EYS: variants seen among roughly 807,000 people sequenced by gnomAD.
The protein encoded by EYS is protein eyes shut homolog.
In EYS, 250 loss-of-function variants were observed where a neutral mutation model predicts 282.1. The ratio of observed to expected loss-of-function variants is 0.89; its 90% confidence interval spans 0.80 to 0.98. The LOEUF is 0.98. EYS is among the 50% of genes least tolerant of loss of function. The pLI is 0.00. For synonymous variants in EYS, 1,355 were observed against 1,282.9 expected (o/e 1.06, Z -1.20); for missense variants, 4,016 against 3,709.0 (o/e 1.08, Z -2.15).
At chr6:65,570,796 T>C (rs1001186218) in intron 2 of EYS, among the ~76,000 whole-genome samples, 1 of 152,186 alleles carries the variant, frequency 6.6e-6, no homozygotes, top group Admixed American at 6.5e-5. Flanking sequence ...GGACTGCTTC[T>C]GGAAACTTCA....
At position 64,309,914 on chromosome 6, in the gene EYS, G is replaced by A. The variant is rs567720860; in HGVS notation, c.6079-2832C>T. Among the ~76,000 whole-genome samples the A allele has an allele frequency of 5.3e-5, 8 of 150,072 alleles. No homozygotes were observed. In the East Asian group the frequency reaches 7.8e-4, roughly 15 times the overall value. ...TTGGAGGAGGAGGTTGCAGTGAACC[G>A]AGATCGTACCACTGCCCTCCAGCCT... On this transcript the variant is annotated intron_variant, in intron 29 of 42. Transcript: ENST00000503581.
At chr6:63,798,112 C>T (rs1770691450) in intron 37 of EYS, 1 of 152,018 alleles carries the variant, frequency 6.6e-6, no homozygotes, top group South Asian at 2.1e-4. Flanking sequence ...TCAAGGTTAC[C>T]CACTTTGAAC....
chr6:64,025,161 G>T (rs1031391996), intron 33 of EYS, among the ~76,000 whole-genome samples: 1 of 152,096 alleles, frequency 6.6e-6, no homozygotes, highest in Non-Finnish European at 1.5e-5. Flanking sequence ...CAACTAGTGC[G>T]GCTGCCGGAC....
At chr6:64,925,262 G>T (rs529347974) in intron 15 of EYS, among the ~76,000 whole-genome samples, 38 of 152,214 alleles carry the variant, frequency 2.5e-4, no homozygotes, top group African/African-American at 9.1e-4. Context: ...AGAATAGTGC[G>T]GGAAAGACCA....
intron 41 of EYS, among the ~76,000 whole-genome samples, chr6:63,749,037 T>C (rs1769278568): frequency 6.6e-6 from 1 of 152,206 alleles, no homozygotes; most frequent in Non-Finnish European, 1.5e-5. Context: ...TTGGGCTTGA[T>C]TTGCTCTTGG....
At chr6:63,898,104 C>A (rs527707493) in intron 35 of EYS, among the ~76,000 whole-genome samples, 3 of 152,300 alleles carry the variant, frequency 2.0e-5, no homozygotes, top group East Asian at 1.9e-4. Flanking sequence ...CATGTTACCA[C>A]GCTGGGCCAA....
Position 65,405,121 on chromosome 6 carries a change from TA to T in EYS, c.1056+52del. The T allele has an allele frequency of 2.4e-6, 3 of 1,270,854 alleles. 1 individual carries two copies. Among genetic ancestry groups the T allele is most frequent in the Non-Finnish European group, 3.4e-6 (3 of 874,122 alleles). 78.7% of individuals were successfully genotyped at this position (1,270,854 alleles called of 1,614,324 possible). ...TATTTATTCTTTTCAAATTGCTTGG[TA>T]ATAGTAAAAAAAATTTAAAACCACT... On this transcript the variant is annotated intron_variant, in intron 6 of 42. Transcript: ENST00000503581.
chr6:64,041,562 C>A (rs1191052890), intron 33 of EYS, among the ~76,000 whole-genome samples: 1 of 152,088 alleles, frequency 6.6e-6, no homozygotes, highest in Non-Finnish European at 1.5e-5. Context: ...TGAGGATGAA[C>A]AGAGATGGCA....
intron 19 of EYS, among the ~76,000 whole-genome samples, chr6:64,882,547 G>T (rs1352676542): frequency 6.6e-6 from 1 of 151,512 alleles, no homozygotes; most frequent in Non-Finnish European, 1.5e-5. Flanking sequence ...AAAAAAAAAT[G>T]ATTACTATTA....
At chr6:65,281,763 T>C (rs928776087) in intron 12 of EYS, among the ~76,000 whole-genome samples, 1 of 152,110 alleles carries the variant, frequency 6.6e-6, no homozygotes, top group Non-Finnish European at 1.5e-5. Flanking sequence ...GGGACTTCTT[T>C]TGAAAGCTCA....
chr6:64,247,346 AAGGAGGAAGG>A (rs1307607594), intron 30 of EYS, among the ~76,000 whole-genome samples: 1 of 152,208 alleles, frequency 6.6e-6, no homozygotes, highest in Non-Finnish European at 1.5e-5. Context: ...TGAGCCTCAC[AAGGAGGAAGG>A]AACTTCCTGA....
chr6:64,512,127 A>G (rs1777429664), intron 26 of EYS, among the ~76,000 whole-genome samples: 1 of 152,044 alleles, frequency 6.6e-6, no homozygotes, highest in African/African-American at 2.4e-5. Flanking sequence ...ACATGCATAT[A>G]TACACACATA....
intron 30 of EYS, among the ~76,000 whole-genome samples, chr6:64,255,409 T>C (rs1767357231): frequency 6.6e-6 from 1 of 152,112 alleles, no homozygotes; most frequent in African/African-American, 2.4e-5. Context: ...TAATGGATTT[T>C]TTAATATTTC....
chr6:65,333,273 T>A (rs1451635009), intron 11 of EYS, among the ~76,000 whole-genome samples: 1 of 151,652 alleles, frequency 6.6e-6, no homozygotes, highest in Non-Finnish European at 1.5e-5. Context: ...TAATTTCTCT[T>A]GCAATTTCAC....
chr6:65,689,218 C>A, intron 1 of EYS, among the ~76,000 whole-genome samples: 1 of 149,934 alleles, frequency 6.7e-6, no homozygotes, highest in Non-Finnish European at 1.5e-5. Flanking sequence ...ATTCATGTCC[C>A]TTGTAGGGAC....
chr6:64,483,491 T>C (rs1215982805), intron 26 of EYS, among the ~76,000 whole-genome samples: 1 of 151,736 alleles, frequency 6.6e-6, no homozygotes, highest in African/African-American at 2.4e-5. Flanking sequence ...CACTTCTCAC[T>C]AGGGAAGAGG....
chr6:65,104,015 C>G (rs1020375354), intron 12 of EYS, among the ~76,000 whole-genome samples: 2 of 151,108 alleles, frequency 1.3e-5, no homozygotes, highest in African/African-American at 2.4e-5. Flanking sequence ...TTGTTCATGA[C>G]TCTAAGTTCA....
At chr6:64,243,723 A>G (rs1042838222) in intron 30 of EYS, among the ~76,000 whole-genome samples, 5 of 152,212 alleles carry the variant, frequency 3.3e-5, no homozygotes, top group Non-Finnish European at 5.9e-5. Context: ...TTGCTATTAA[A>G]CAAAACTAAA....
chr6:64,047,117 C>T (rs1185820308), intron 33 of EYS, among the ~76,000 whole-genome samples: 4 of 151,904 alleles, frequency 2.6e-5, no homozygotes, highest in African/African-American at 9.7e-5. Context: ...AAATTAGGCA[C>T]CTTTTTCCCC....
Sources: gnomAD v4.1 joint callset for allele counts (sites outside exome capture counted in the v4.1 genomes callset) on GRCh38, gnomAD v4.1.1 for gene constraint, MANE v1.5 for transcripts, NCBI Gene and HGNC (gene_info 2026-07-23, HGNC 2026-07-21) for gene names.